Variants in XAGE2 observed in about 807,000 individuals in gnomAD.
The protein encoded by XAGE2 is X antigen family member 2, also known as G antigen family D member 3.
XAGE2 carries 7 observed loss-of-function variants against 9.9 expected under a neutral mutation model. That is an observed-to-expected ratio of 0.71 (90% CI 0.40 to 1.32). The LOEUF (loss-of-function observed/expected upper bound fraction) is 1.32, where lower values mean the gene tolerates loss of function less well. Among genes scored for constraint, XAGE2 ranks in the 40% most tolerant of loss-of-function variants. XAGE2 has a pLI of 0.01. For missense variants in XAGE2, 85 were observed against 81.0 expected, an observed-to-expected ratio of 1.05 and a Z score of -0.19; for synonymous variants, 31 against 26.8, an observed-to-expected ratio of 1.16 and a Z score of -0.48.
At chrX:52,369,896 A>G in intron 1 of XAGE2, 111 bp from the exon 2 acceptor site, 1 of 861,305 alleles carries the variant, frequency 1.2e-6, no homozygotes, top group South Asian at 2.1e-5. Context: ...CTTACTTTCA[A>G]ATTATTTCCA....
intron 1 of XAGE2, among the ~76,000 whole-genome samples, chrX:52,369,514 G>A (rs910616746): frequency 1.9e-4 from 21 of 110,804 alleles, no homozygotes; most frequent in Admixed American, 9.6e-5. Context: ...CCGCGACCCC[G>A]AGGTCTGTAG....
chrX:52,374,243 T>C (rs1921260999), intron 4 of XAGE2, among the ~76,000 whole-genome samples: 1 of 111,786 alleles, frequency 8.9e-6, no homozygotes, highest in African/African-American at 3.3e-5. Flanking sequence ...TGTTTTCTTT[T>C]GTTTTACTTT....
chrX:52,369,441 A>G (rs1921137451), intron 1 of XAGE2, among the ~76,000 whole-genome samples: 1 of 110,768 alleles, frequency 9.0e-6, no homozygotes, highest in Non-Finnish European at 1.9e-5. Context: ...GTAGGGACCC[A>G]GGAATGGGCT....
intron 4 of XAGE2, 112 bp from the exon 5 acceptor site, chrX:52,375,457 T>C (rs1176278028): frequency 1.3e-6 from 1 of 758,456 alleles, no homozygotes; most frequent in African/African-American, 2.1e-5. Context: ...CTCTTGGGTT[T>C]ATGGTCTTAG....
chrX:52,370,494 A>G (rs1017600893), intron 2 of XAGE2, 73 bp from the exon 3 acceptor site: 72 of 845,351 alleles, frequency 8.5e-5, no homozygotes, highest in Non-Finnish European at 1.2e-4. Context: ...TGTATTCTGT[A>G]TATTTGTATT....
chrX:52,372,489 C>T (rs1249320654), intron 3 of XAGE2, 55 bp from the exon 4 acceptor site: 2 of 1,190,174 alleles, frequency 1.7e-6, no homozygotes, highest in African/African-American at 3.5e-5. Context: ...TTATTACTTC[C>T]TTATTTATAC....
At chrX:52,375,527 A>G in intron 4 of XAGE2, 42 bp from the exon 5 acceptor site, 13 of 1,189,020 alleles carry the variant, frequency 1.1e-5, no homozygotes, top group Non-Finnish European at 1.4e-5. Flanking sequence ...ATCTAAATAC[A>G]GTTCTGCTAG....
At chrX:52,371,244 G>A (rs1921183882) in intron 3 of XAGE2, among the ~76,000 whole-genome samples, 1 of 112,204 alleles carries the variant, frequency 8.9e-6, no homozygotes. Flanking sequence ...ATTAGAAAAC[G>A]TGAATTATTT....
Position 52,373,242 on chromosome X carries a change from T to C in XAGE2, c.313+573T>C, listed in dbSNP as rs1013383185. 2.3e-4 allele frequency among the ~76,000 whole-genome samples: 26 copies of C among 112,456 alleles called. 1 individual carries two copies. Among genetic ancestry groups the C allele is most frequent in the Admixed American group, 9.4e-5 (1 of 10,598 alleles). ...ACAATCAGCTTCAGTCCAATTACAATATCTGAGCTGAGATTTCATTGCTCC... is the reference window on the plus strand; with the variant it reads ...ACAATCAGCTTCAGTCCAATTACAACATCTGAGCTGAGATTTCATTGCTCC... On this transcript the variant is annotated intron_variant, in intron 4 of 4. Transcript: ENST00000286049.
chrX:52,370,450 T>G (rs1399525293), intron 2 of XAGE2, 117 bp from the exon 3 acceptor site: 1 of 650,286 alleles, frequency 1.5e-6, no homozygotes, highest in African/African-American at 2.2e-5. Context: ...GTTGGAGAAG[T>G]GTCTTTAGAC....
chrX:52,372,132 C>T (rs940621270), intron 3 of XAGE2, among the ~76,000 whole-genome samples: 19 of 111,327 alleles, frequency 1.7e-4, no homozygotes, highest in African/African-American at 4.9e-4. Context: ...TGGTGGGTCC[C>T]TTGAGCCTGA....
chrX:52,371,851 G>A (rs1031228222), intron 3 of XAGE2, among the ~76,000 whole-genome samples: 2,080 of 111,598 alleles, frequency 0.019, 61 homozygotes, highest in African/African-American at 0.065. Flanking sequence ...GCAAGATATG[G>A]TTGTCACAAT....
chrX:52,370,544 A>G (rs1921163882), intron 2 of XAGE2, 23 bp from the exon 3 acceptor site: 3 of 1,187,509 alleles, frequency 2.5e-6, no homozygotes, highest in South Asian at 1.8e-5. Context: ...ATCTGCACAC[A>G]TACTGCCTCC....
Position 52,369,593 on chromosome X carries a change from AG to A in XAGE2, c.-9+381del, listed in dbSNP as rs1461765616. Among the ~76,000 whole-genome samples, 7 of 111,731 alleles carry A rather than the reference AG, an allele frequency of 6.3e-5. No individual in the cohort carries two copies. The East Asian group carries it at 2.0e-3, about 32-fold the overall frequency. On this transcript the variant is annotated intron_variant, in intron 1 of 4. Transcript: ENST00000286049. ...TCACAACTTCTCAACTCCACCCTGG[AG>A]GTTCGAATGGGCGGGACTGTGCTTT...
chrX:52,374,577 T>C (rs1417522134), intron 4 of XAGE2, among the ~76,000 whole-genome samples: 5 of 112,064 alleles, frequency 4.5e-5, no homozygotes, highest in African/African-American at 1.6e-4. Context: ...GGAATATAGA[T>C]GAAATGGTTG....
intron 4 of XAGE2, among the ~76,000 whole-genome samples, chrX:52,374,467 G>C (rs984221433): frequency 9.0e-6 from 1 of 111,695 alleles, no homozygotes; most frequent in Non-Finnish European, 1.9e-5. Context: ...TCCTGACCTC[G>C]GGTGATCCAC....
In XAGE2 at chrX:52,373,236, T is replaced by C. The variant is rs1921235871; in HGVS notation, c.313+567T>C. Among the ~76,000 whole-genome samples, 5 of 112,398 alleles carry C rather than the reference T, an allele frequency of 4.4e-5. No individual in the cohort carries two copies. In the Admixed American group the frequency reaches 4.7e-4, roughly 11 times the overall value. On this transcript the variant is annotated intron_variant, in intron 4 of 4. Coordinates refer to ENST00000286049, the MANE Select transcript of XAGE2 (RefSeq NM_130777.3). ...TTCCTAACAATCAGCTTCAGTCCAA[T>C]TACAATATCTGAGCTGAGATTTCAT...
At chrX:52,371,685 T>C (rs1226761438) in intron 3 of XAGE2, among the ~76,000 whole-genome samples, 2 of 111,883 alleles carry the variant, frequency 1.8e-5, no homozygotes, top group East Asian at 5.6e-4. Flanking sequence ...TTTCACTCAA[T>C]TTCCTGAATT....
Position 52,374,268 on chromosome X carries a change from G to A in XAGE2, c.314-1301G>A, listed in dbSNP as rs1213469105. 1.8e-4 allele frequency among the ~76,000 whole-genome samples: 20 copies of A among 111,478 alleles called. No homozygotes were observed. In the East Asian group the frequency reaches 4.5e-3, roughly 25 times the overall value. On this transcript the variant is annotated intron_variant, in intron 4 of 4. Coordinates refer to ENST00000286049, the MANE Select transcript of XAGE2 (RefSeq NM_130777.3). ...TGTTTTACTTTTGAGACAGAGTCTC[G>A]CTCTGTCACCCAGGCTGGAGTGCAG...
Sources: gnomAD v4.1 joint callset for allele counts (sites outside exome capture counted in the v4.1 genomes callset) on GRCh38, gnomAD v4.1.1 for gene constraint, MANE v1.5 for transcripts, NCBI Gene and HGNC (gene_info 2026-07-23, HGNC 2026-07-21) for gene names.